The following XIRP2 variants were observed in gnomAD, a reference collection of about 807,000 sequenced individuals.
The protein encoded by XIRP2 is xin actin binding repeat containing 2, also known as xin actin-binding repeat-containing protein 2.
XIRP2 carries 236 observed loss-of-function variants against 277.0 expected under a neutral mutation model. That is an observed-to-expected ratio of 0.85 (90% CI 0.77 to 0.95). The LOEUF is 0.95. XIRP2 is among the 40% of genes least tolerant of loss of function. The pLI is 0.00. For missense variants in XIRP2, 4,640 were observed against 4,157.5 expected, an observed-to-expected ratio of 1.12 and a Z score of -3.19; for synonymous variants, 1,490 against 1,416.5, an observed-to-expected ratio of 1.05 and a Z score of -1.17.
chr2:166,944,344 G>A (rs905613407), intron 2 of XIRP2, among the ~76,000 whole-genome samples: 4 of 152,114 alleles, frequency 2.6e-5, no homozygotes, highest in South Asian at 2.1e-4. Context: ...CCTCCTGTTC[G>A]TAAGTTGCCT....
At chr2:167,035,081 C>G (rs946441290) in intron 2 of XIRP2, among the ~76,000 whole-genome samples, 1 of 152,294 alleles carries the variant, frequency 6.6e-6, no homozygotes, top group Admixed American at 6.5e-5. Context: ...GAGGCCTCCC[C>G]AGCCATGTGG....
chr2:167,002,361 A>T (rs1687395886), intron 2 of XIRP2, among the ~76,000 whole-genome samples: 1 of 151,882 alleles, frequency 6.6e-6, no homozygotes, highest in African/African-American at 2.4e-5. Context: ...TCAAATATTC[A>T]TTGTCATCAG....
intron 2 of XIRP2, among the ~76,000 whole-genome samples, chr2:166,957,183 T>A (rs1457658087): frequency 1.1e-4 from 16 of 151,658 alleles, no homozygotes; most frequent in Admixed American, 1.1e-3. Context: ...TAGTCACTAG[T>A]CAAAGGATAT....
intron 2 of XIRP2, among the ~76,000 whole-genome samples, chr2:167,030,869 T>A (rs1348151526): frequency 1.3e-5 from 2 of 152,150 alleles, no homozygotes; most frequent in Non-Finnish European, 2.9e-5. Context: ...TGAATCTGGG[T>A]GTTCCTGTAT....
chr2:166,904,023 G>C, intron 2 of XIRP2, 133 bp downstream of exon 2: 1 of 1,012,164 alleles, frequency 9.9e-7, no homozygotes, highest in Non-Finnish European at 1.4e-6. Context: ...GTGTAATGCA[G>C]TGTGAAATGT....
intron 2 of XIRP2, among the ~76,000 whole-genome samples, chr2:166,911,779 T>C (rs370306603): frequency 2.6e-5 from 4 of 152,342 alleles, no homozygotes; most frequent in East Asian, 1.9e-4. Flanking sequence ...AGTGCTTCCT[T>C]CAGGAGCTCT....
chr2:167,230,953 A>G (rs1397634447), intron 5 of XIRP2, among the ~76,000 whole-genome samples: 4 of 152,180 alleles, frequency 2.6e-5, no homozygotes, highest in African/African-American at 4.8e-5. Context: ...CAACAGTCCT[A>G]CCACGCCAAT....
At chr2:166,977,514 G>A (rs1160344866) in intron 2 of XIRP2, among the ~76,000 whole-genome samples, 2 of 152,026 alleles carry the variant, frequency 1.3e-5, no homozygotes, top group East Asian at 3.9e-4. Context: ...TACTGTATTT[G>A]TATTATCATA....
intron 2 of XIRP2, among the ~76,000 whole-genome samples, chr2:167,133,768 G>A (rs190732648): frequency 1.4e-4 from 21 of 152,222 alleles, no homozygotes; most frequent in Non-Finnish European, 2.5e-4. Flanking sequence ...AACATACTGC[G>A]TTCATGTCAT....
intron 3 of XIRP2, among the ~76,000 whole-genome samples, chr2:167,178,513 C>T (rs1418367484): frequency 6.6e-6 from 1 of 151,958 alleles, no homozygotes; most frequent in East Asian, 1.9e-4. Context: ...TTGTTTGATT[C>T]GGGATGGTTA....
intron 2 of XIRP2, among the ~76,000 whole-genome samples, chr2:167,008,316 G>C (rs1476801849): frequency 6.6e-6 from 1 of 151,324 alleles, no homozygotes; most frequent in Non-Finnish European, 1.5e-5. Context: ...TCTTCAATTG[G>C]TTTTTATATG....
At chr2:167,205,409 A>C (rs1693826706) in intron 3 of XIRP2, among the ~76,000 whole-genome samples, 1 of 152,142 alleles carries the variant, frequency 6.6e-6, no homozygotes, top group African/African-American at 2.4e-5. Flanking sequence ...TTGAACTTTC[A>C]TCTGGCAAGA....
At chr2:167,039,361 G>C (rs1688602864) in intron 2 of XIRP2, among the ~76,000 whole-genome samples, 1 of 152,138 alleles carries the variant, frequency 6.6e-6, no homozygotes, top group African/African-American at 2.4e-5. Flanking sequence ...TTACATGCCA[G>C]ACACTCTGCT....
chr2:166,919,326 A>T (rs984371075), intron 2 of XIRP2, among the ~76,000 whole-genome samples: 1 of 152,184 alleles, frequency 6.6e-6, no homozygotes, highest in African/African-American at 2.4e-5. Context: ...TCTCATCTAC[A>T]CCAACTACCA....
intron 3 of XIRP2, among the ~76,000 whole-genome samples, chr2:167,169,472 G>A (rs1340087730): frequency 1.3e-5 from 2 of 152,134 alleles, no homozygotes; most frequent in Admixed American, 1.3e-4. Context: ...TTTCTGCACT[G>A]GTAAGTTTTG....
chr2:166,939,625 A>T (rs946786973), intron 2 of XIRP2, among the ~76,000 whole-genome samples: 1 of 143,400 alleles, frequency 7.0e-6, no homozygotes, highest in African/African-American at 2.6e-5. Flanking sequence ...GCTTTCAGTG[A>T]GCCGAGATCA....
At chr2:166,981,961 A>T (rs562436598) in intron 2 of XIRP2, among the ~76,000 whole-genome samples, 3 of 152,168 alleles carry the variant, frequency 2.0e-5, no homozygotes, top group Non-Finnish European at 2.9e-5. Flanking sequence ...AGTATCCATT[A>T]ACTCGTTTAA....
chr2:167,074,842 C>T (rs372313667), intron 2 of XIRP2, among the ~76,000 whole-genome samples: 2 of 152,118 alleles, frequency 1.3e-5, no homozygotes, highest in Non-Finnish European at 2.9e-5. Flanking sequence ...CCAAGCTGGT[C>T]TCAAACTCCT....
intron 2 of XIRP2, among the ~76,000 whole-genome samples, chr2:167,095,392 G>T (rs112693635): frequency 6.6e-6 from 1 of 152,018 alleles, no homozygotes; most frequent in Non-Finnish European, 1.5e-5. Flanking sequence ...TTCTTGTGCC[G>T]GTTTTCAAAG....
Sources: gnomAD v4.1 joint callset for allele counts (sites outside exome capture counted in the v4.1 genomes callset) on GRCh38, gnomAD v4.1.1 for gene constraint, MANE v1.5 for transcripts, NCBI Gene and HGNC (gene_info 2026-07-23, HGNC 2026-07-21) for gene names.